The following OR2L13 variants were observed in gnomAD, a reference collection of about 807,000 sequenced individuals.
OR2L13 encodes olfactory receptor family 2 subfamily L member 13.
A neutral mutation model predicts 15.3 loss-of-function variants in OR2L13; 14 were observed. That is an observed-to-expected ratio of 0.91 (90% CI 0.60 to 1.43). OR2L13 has a LOEUF of 1.43. Ranked by LOEUF, OR2L13 falls within the 40% of genes most tolerant of loss-of-function variation. The probability of loss-of-function intolerance (pLI) is 0.00; values close to 1 mark genes in which losing one functional copy is unlikely to be tolerated. For missense variants in OR2L13, 367 were observed against 387.9 expected (o/e 0.95, Z 0.45); for synonymous variants, 152 against 142.9 (o/e 1.06, Z -0.45).
At chr1:248,038,665 T>A in the OR2L13 span, 2 of 1,614,158 alleles carry the variant, frequency 1.2e-6, no homozygotes, top group Non-Finnish European at 1.7e-6. Context: ...CACTATCCCA[T>A]CCGTATAAGC....
the OR2L13 span, among the ~76,000 whole-genome samples, chr1:248,075,085 A>T: frequency 6.6e-6 from 1 of 151,866 alleles, no homozygotes; most frequent in Non-Finnish European, 1.5e-5. Flanking sequence ...AAGTGATCTC[A>T]TCGTTCAATT....
the OR2L13 span, among the ~76,000 whole-genome samples, chr1:247,958,747 A>G: frequency 6.6e-6 from 1 of 151,636 alleles, no homozygotes; most frequent in Admixed American, 6.6e-5. Flanking sequence ...CTATTTTGTC[A>G]GAGACTAGGA....
chr1:248,019,883 C>A, the OR2L13 span, among the ~76,000 whole-genome samples: 1 of 151,980 alleles, frequency 6.6e-6, no homozygotes, highest in African/African-American at 2.4e-5. Flanking sequence ...GCCTCCTGGG[C>A]TCAAGCAATC....
the OR2L13 span, chr1:247,974,764 C>G: frequency 4.3e-6 from 1 of 233,460 alleles, no homozygotes. Flanking sequence ...AATCAAACAT[C>G]AACTGATTTC....
the OR2L13 span, among the ~76,000 whole-genome samples, chr1:248,025,653 T>A: frequency 1.4e-5 from 2 of 145,766 alleles, no homozygotes; most frequent in East Asian, 4.1e-4. Flanking sequence ...TGCACATGTA[T>A]GTTTATCGCG....
At chr1:248,061,043 G>A in the OR2L13 span, 17 of 1,613,930 alleles carry the variant, frequency 1.1e-5, no homozygotes, top group Middle Eastern at 1.6e-4. Context: ...GCCTATGATC[G>A]TTACATTGCT....
chr1:248,099,211 A>T, intron 2 of OR2L13, 147 bp from the exon 3 acceptor site: 1 of 605,596 alleles, frequency 1.7e-6, no homozygotes, highest in East Asian at 2.7e-5. Flanking sequence ...CTTCAGATAT[A>T]GAAATTGATT....
chr1:248,100,127 A>C (rs765927416), exon 3 of OR2L13: 1 of 1,614,054 alleles, frequency 6.2e-7, no homozygotes. Context: ...ATCTTTTACT[A>C]TGCACCTTTT....
At chr1:248,089,795 T>C in the OR2L13 span, among the ~76,000 whole-genome samples, 1 of 152,180 alleles carries the variant, frequency 6.6e-6, no homozygotes, top group African/African-American at 2.4e-5. Flanking sequence ...TTCTTCTGAA[T>C]TTCTTCCTGA....
chr1:248,038,607 C>T, the OR2L13 span: 1 of 1,614,176 alleles, frequency 6.2e-7, no homozygotes, highest in South Asian at 1.1e-5. Context: ...AGGGCTGCTC[C>T]TGACATCAAT....
chr1:248,094,646 T>C (rs1450484659), upstream of OR2L13, among the ~76,000 whole-genome samples: 1 of 152,188 alleles, frequency 6.6e-6, no homozygotes, highest in Admixed American at 6.5e-5. Context: ...TTTAGTAGAA[T>C]AGCTAAATGG....
At chr1:247,979,844 T>C in the OR2L13 span, among the ~76,000 whole-genome samples, 5,904 of 152,190 alleles carry the variant, frequency 0.039, 355 homozygotes, top group African/African-American at 0.13. Context: ...GTTTAAAAGG[T>C]AAAGAAATTC....
chr1:248,063,688 TG>T, the OR2L13 span, among the ~76,000 whole-genome samples: 1 of 152,194 alleles, frequency 6.6e-6, no homozygotes, highest in East Asian at 1.9e-4. Context: ...TGTACCCAAC[TG>T]CCACCTGTGC....
At chr1:248,079,517 A>T in the OR2L13 span, among the ~76,000 whole-genome samples, 1 of 152,178 alleles carries the variant, frequency 6.6e-6, no homozygotes, top group Non-Finnish European at 1.5e-5. Context: ...AGAAAGAAAA[A>T]GAACAAGACA....
chr1:248,060,772 G>C, the OR2L13 span: 1 of 1,614,002 alleles, frequency 6.2e-7, no homozygotes, highest in Non-Finnish European at 8.5e-7. Flanking sequence ...CATCCTCATT[G>C]TTTTCATTTT....
the OR2L13 span, among the ~76,000 whole-genome samples, chr1:248,069,765 A>G: frequency 6.6e-6 from 1 of 152,184 alleles, no homozygotes; most frequent in African/African-American, 2.4e-5. Context: ...GCTCAAAATA[A>G]AAGGGCGGAG....
At chr1:248,067,932 G>A in the OR2L13 span, among the ~76,000 whole-genome samples, 30 of 152,200 alleles carry the variant, frequency 2.0e-4, no homozygotes, top group Non-Finnish European at 2.9e-4. Context: ...AGGTGGCAGC[G>A]AGGCTGGGGG....
chr1:247,941,393 T>C, the OR2L13 span, among the ~76,000 whole-genome samples: 1 of 152,158 alleles, frequency 6.6e-6, no homozygotes. Context: ...TTTAGATATA[T>C]AAAGAATGGT....
At chr1:247,987,918 G>A in the OR2L13 span, among the ~76,000 whole-genome samples, 1 of 152,044 alleles carries the variant, frequency 6.6e-6, no homozygotes, top group East Asian at 1.9e-4. Flanking sequence ...ATATATTCTT[G>A]TAAAACCTGA....
Sources: gnomAD v4.1 joint callset for allele counts (sites outside exome capture counted in the v4.1 genomes callset) on GRCh38, gnomAD v4.1.1 for gene constraint, MANE v1.5 for transcripts, NCBI Gene and HGNC (gene_info 2026-07-23, HGNC 2026-07-21) for gene names.